WNK2: variants seen among roughly 807,000 people sequenced by gnomAD.
The protein encoded by WNK2 is WNK lysine deficient protein kinase 2.
A neutral mutation model predicts 192.1 loss-of-function variants in WNK2; 67 were observed. That is an observed-to-expected ratio of 0.35 (90% confidence interval 0.29 to 0.43). WNK2 has a LOEUF of 0.43. Among genes scored for constraint, WNK2 ranks in the 20% least tolerant of loss-of-function variants. The pLI is 1.00. For synonymous variants in WNK2, 1,439 were observed against 1,393.9 expected (o/e 1.03, Z -0.72); for missense variants, 2,698 against 3,089.7 (o/e 0.87, Z 3.01).
intron 29 of WNK2, chr9:93,317,889 C>A: frequency 6.3e-7 from 1 of 1,577,894 alleles, no homozygotes; most frequent in Non-Finnish European, 8.6e-7. Flanking sequence ...CCCTCGGAAC[C>A]GCCCGGAGAA....
chr9:93,243,001 CAGG>C (rs1841041668), intron 7 of WNK2, among the ~76,000 whole-genome samples: 1 of 152,152 alleles, frequency 6.6e-6, no homozygotes, highest in African/African-American at 2.4e-5. Context: ...GGAGCTGTGT[CAGG>C]AGGCCAAGTG....
At position 93,185,282 on chromosome 9, in the gene WNK2, C is replaced by T; in HGVS notation, c.353C>T (p.Pro118Leu). ...PGAPADAGPEPVGTQEPGPDP... is the reference protein window; with the variant it reads ...PGAPADAGPELVGTQEPGPDP... ...GCCCCCGCGGACGCCGGCCCCGAGC[C>T]CGTGGGCACGCAGGAGCCCGGCCCG... The change falls in exon 2 of 30, where the codon CCC becomes CTC. Residue 118 changes from proline to leucine, a missense_variant. Pro to Leu is a moderately conservative substitution (Grantham distance 98). Around this residue, in one of 7 missense-constraint regions of WNK2, gnomAD observed 260 missense variants for 285.6 expected, o/e 0.91. Coordinates refer to ENST00000427277, the MANE Select transcript of WNK2 (RefSeq NM_006648.4). 7.3e-7 allele frequency: 1 copy of T among 1,367,612 alleles called. No homozygotes were observed. Among genetic ancestry groups the T allele is most frequent in the Non-Finnish European group, 9.4e-7 (1 of 1,067,394 alleles). The allele number at this position is 1,367,612 out of a possible 1,614,324, so 84.7% of individuals were successfully genotyped here.
chr9:93,229,185 G>A lies in WNK2; in HGVS notation c.682-511G>A, dbSNP rs1192229221. On this transcript the variant is annotated intron_variant, in intron 2 of 29. Transcript: ENST00000427277. The surrounding 1 kb of genome is among the most constrained non-coding windows in gnomAD (Gnocchi z 4.9). ...ACAGGAGGGCCTGGGCTGCCCTCTG[G>A]GCTGCTGACTGGTCAGTTTGGCTCT... is the stretch of plus-strand genomic sequence containing the variant. Among the ~76,000 whole-genome samples the A allele has an allele frequency of 6.6e-6, 1 of 152,150 alleles. No homozygotes were observed. The highest frequency in any genetic ancestry group is 1.9e-4 in the East Asian group (1 of 5,198).
In WNK2 at chr9:93,318,512, G is replaced by A. The variant is rs553818677; in HGVS notation, c.6628+881G>A. ...GGCCATGAGAAATCCGCCAGAAAAC[G>A]TTAGGTGAGCAGACATGCCCCCCAT... On this transcript the variant is annotated intron_variant, in intron 29 of 29. Transcript: ENST00000427277. The A allele has an allele frequency of 1.0e-4, 165 of 1,614,150 alleles. 3 individuals are homozygous for A. In the South Asian group the frequency reaches 1.7e-3, roughly 17 times the overall value.
intron 5 of WNK2, among the ~76,000 whole-genome samples, 171 bp from the exon 6 acceptor site, chr9:93,238,062 C>T (rs1840121510): frequency 6.6e-6 from 1 of 152,208 alleles, no homozygotes; most frequent in Non-Finnish European, 1.5e-5. Context: ...GCATTTGGCT[C>T]TGCCCTGTCA....
At chr9:93,226,831 C>A (rs1837899482) in intron 2 of WNK2, among the ~76,000 whole-genome samples, 1 of 152,102 alleles carries the variant, frequency 6.6e-6, no homozygotes, top group South Asian at 2.1e-4. Flanking sequence ...AGCCATGGTC[C>A]CATTTGGATG....
Position 93,256,353 on chromosome 9 carries a change from C to A in WNK2, c.2089C>A (p.Gln697Lys). The A allele has an allele frequency of 6.3e-7, 1 of 1,585,146 alleles. No homozygotes were observed. Reference sequence around the variant, plus strand: ...CCCCGCCTGCCCTCCGTCCCTCCAGCAGCACTTCCCGGATCCGGCCATGAG... The same window carrying A: ...CCCCGCCTGCCCTCCGTCCCTCCAGAAGCACTTCCCGGATCCGGCCATGAG... ...PAPACPPSLQ[Q>K]HFPDPAMSFA... The change falls in exon 10 of 30, where the codon CAG (glutamine) becomes AAG (lysine). Residue 697 changes from glutamine to lysine, a missense_variant. Gln to Lys is a moderately conservative substitution (Grantham distance 53). This residue lies in a region of WNK2 where 893 missense variants were observed against 909.0 expected (regional missense o/e 0.98). Transcript: ENST00000427277.
At position 93,257,381 on chromosome 9, in the gene WNK2, C is replaced by T; in HGVS notation, c.2382+242C>T. On this transcript the variant is annotated intron_variant, in intron 11 of 29. Coordinates refer to ENST00000427277, the MANE Select transcript of WNK2 (RefSeq NM_006648.4). The surrounding 1 kb of genome is among the most constrained non-coding windows in gnomAD (Gnocchi z 4.7). ...ACTTGTCCCTTGGTGGCTGGCTTGG[C>T]TGCTGTCTCCTGCCCTCCAGCCTCA... Among the ~76,000 whole-genome samples the T allele has an allele frequency of 6.6e-6, 1 of 152,094 alleles. No homozygotes were observed. The highest frequency in any genetic ancestry group is 1.9e-4 in the East Asian group (1 of 5,176).
chr9:93,198,917 G>T (rs1447463024), intron 2 of WNK2, among the ~76,000 whole-genome samples: 1 of 152,138 alleles, frequency 6.6e-6, no homozygotes, highest in Non-Finnish European at 1.5e-5. Context: ...GTGCAGTCTC[G>T]AGCTCGGGGC....
chr9:93,297,124 C>T (rs565144922), intron 23 of WNK2, among the ~76,000 whole-genome samples: 1 of 144,256 alleles, frequency 6.9e-6, no homozygotes, highest in Non-Finnish European at 1.5e-5. Context: ...GTCCTCCCCT[C>T]GGCGTCCTCC....
chr9:93,264,076 A>G (rs770370134), intron 16 of WNK2, 43 bp downstream of exon 16: 11 of 1,459,138 alleles, frequency 7.5e-6, no homozygotes, highest in African/African-American at 4.2e-5. Flanking sequence ...TGTTTCTTGG[A>G]CACGTGTGGG....
chr9:93,185,447 C>A lies in WNK2; in HGVS notation c.518C>A (p.Pro173His). Residue 173 changes from proline (P) to histidine (H), a missense_variant, in exon 2 of 30, where the codon CCC (proline) becomes CAC (histidine). Pro to His is a moderately conservative substitution (Grantham distance 77). Coordinates refer to ENST00000427277, the MANE Select transcript of WNK2 (RefSeq NM_006648.4). ...CCCGGGCGCACTCGCCGGGACGAGC[C>A]CGAAGAGGAGGAGGACGACGAGGAC... The part of the protein sequence containing the change: ...PEPGRTRRDE[P>H]EEEEDDEDDL... 6.2e-7 allele frequency: 1 copy of A among 1,612,368 alleles called. No individual in the cohort carries two copies. The highest frequency in any genetic ancestry group is 1.3e-5 in the African/African-American group (1 of 75,042).
At chr9:93,222,505 G>A (rs1351469062) in intron 2 of WNK2, among the ~76,000 whole-genome samples, 2 of 152,112 alleles carry the variant, frequency 1.3e-5, no homozygotes, top group Non-Finnish European at 1.5e-5. Flanking sequence ...CCCCAACTGA[G>A]CACCTCCTTC....
intron 11 of WNK2, 119 bp from the exon 12 acceptor site, chr9:93,258,812 A>G: frequency 1.2e-6 from 1 of 849,492 alleles, no homozygotes; most frequent in Non-Finnish European, 1.9e-6. Flanking sequence ...GGAAAGGGTC[A>G]TGCTGTCTTC....
At position 93,246,703 on chromosome 9, in the gene WNK2, G is replaced by A. The variant is rs1251261472; in HGVS notation, c.1543-840G>A. ...CCTCTGTGCCTGGCACTGCCCCGAA[G>A]CCAGGATGCCCTCTTGCACGGGCAC... On this transcript the variant is annotated intron_variant, in intron 7 of 29. Coordinates refer to ENST00000427277, the MANE Select transcript of WNK2 (RefSeq NM_006648.4). 3.9e-5 allele frequency among the ~76,000 whole-genome samples: 6 copies of A among 152,232 alleles called. No individual in the cohort carries two copies. In the East Asian group the frequency reaches 1.2e-3, roughly 29 times the overall value.
intron 19 of WNK2, among the ~76,000 whole-genome samples, chr9:93,271,728 A>G (rs1846031217): frequency 6.6e-6 from 1 of 152,238 alleles, no homozygotes; most frequent in Non-Finnish European, 1.5e-5. Flanking sequence ...AGGGAAAGAG[A>G]AAGAATGCAG....
At chr9:93,204,339 G>T (rs1053640526) in intron 2 of WNK2, among the ~76,000 whole-genome samples, 1 of 152,210 alleles carries the variant, frequency 6.6e-6, no homozygotes, top group Non-Finnish European at 1.5e-5. Flanking sequence ...TCTGTCAGCC[G>T]CATGGAATGG....
intron 29 of WNK2, chr9:93,319,457 G>A (rs1255237784): frequency 1.1e-5 from 11 of 970,342 alleles, no homozygotes; most frequent in Middle Eastern, 5.2e-4. Context: ...CCCCGAGCAC[G>A]GTCAGCTCTG....
chr9:93,318,618 G>A, intron 29 of WNK2: 1 of 1,592,956 alleles, frequency 6.3e-7, no homozygotes, highest in Non-Finnish European at 8.6e-7. Flanking sequence ...GTGGAGACAA[G>A]TGCAGCTCCT....
Sources: gnomAD v4.1 joint callset for allele counts (sites outside exome capture counted in the v4.1 genomes callset) on GRCh38, gnomAD v4.1.1 for gene constraint, gnomAD v4.1.1 regional missense constraint, Gnocchi (gnomAD v3.1) non-coding constraint, MANE v1.5 for transcripts, NCBI Gene and HGNC (gene_info 2026-07-23, HGNC 2026-07-21) for gene names.